CTIF: variants seen among roughly 807,000 people sequenced by gnomAD.
The protein encoded by CTIF is CBP80/20-dependent translation initiation factor.
CTIF carries 21 observed loss-of-function variants against 66.0 expected under a neutral mutation model. The observed-to-expected ratio is 0.32, with a 90% CI of 0.23 to 0.46. The LOEUF is 0.46. CTIF is among the 20% of genes least tolerant of loss of function. The pLI, the probability that CTIF is intolerant of heterozygous loss-of-function variation, is 1.00. For missense variants in CTIF, 739 were observed against 812.7 expected (o/e 0.91, Z 1.10); for synonymous variants, 345 against 326.4 (o/e 1.06, Z -0.62).
At chr18:48,699,024 A>G (rs2092046446) in intron 6 of CTIF, among the ~76,000 whole-genome samples, 2 of 152,118 alleles carry the variant, frequency 1.3e-5, no homozygotes, top group African/African-American at 4.8e-5. Context: ...CTGTCCCTCC[A>G]GCACCAAGGC....
chr18:48,697,928 C>CCCTGCAGT (rs1390275274), intron 6 of CTIF, among the ~76,000 whole-genome samples: 1 of 151,236 alleles, frequency 6.6e-6, no homozygotes, highest in East Asian at 2.0e-4. Flanking sequence ...ATCACCCCAG[C>CCCTGCAGT]CCTGCAGTCC....
At chr18:48,833,486 G>A (rs1044482101) in intron 10 of CTIF, among the ~76,000 whole-genome samples, 20 of 151,818 alleles carry the variant, frequency 1.3e-4, no homozygotes, top group African/African-American at 3.4e-4. Context: ...CCCTGCCCCC[G>A]CCGCCCTCCA....
Position 48,619,529 on chromosome 18 carries a change from T to A in CTIF, c.-28-9T>A. 1.4e-6 allele frequency: 2 copies of A among 1,424,924 alleles called. No individual in the cohort carries two copies. Among genetic ancestry groups the A allele is most frequent in the Non-Finnish European group, 1.8e-6 (2 of 1,087,250 alleles). The allele number at this position is 1,424,924 out of a possible 1,614,324, so 88.3% of individuals were successfully genotyped here. A position where few individuals can be genotyped will look rare whatever the true frequency, so the allele number is the denominator to read the frequency against. ...GTCTCACGGAGTTCTCTGTCCTCTT[T>A]CCCACCAGTCCCGGCCCAGGCCCCT... On this transcript the variant is annotated splice_polypyrimidine_tract_variant and intron_variant, in intron 1 of 11. Transcript: ENST00000256413.
intron 2 of CTIF, among the ~76,000 whole-genome samples, chr18:48,628,585 A>G (rs56982795): frequency 0.15 from 23,224 of 152,064 alleles, 1,900 homozygotes; most frequent in South Asian, 0.26. Flanking sequence ...GTCTCCACGT[A>G]CCATCCACTT....
intron 5 of CTIF, among the ~76,000 whole-genome samples, chr18:48,668,549 T>G (rs1311391037): frequency 6.6e-6 from 1 of 152,132 alleles, no homozygotes; most frequent in Admixed American, 6.5e-5. Context: ...TTCTTTTCCT[T>G]CATGCCTGTT....
intron 6 of CTIF, among the ~76,000 whole-genome samples, chr18:48,690,042 G>A (rs8091345): frequency 0.33 from 50,629 of 151,978 alleles, 10,540 homozygotes; most frequent in African/African-American, 0.59. Context: ...TCTTGAAATT[G>A]ATCATGCCCA....
chr18:48,642,093 A>G (rs2090944440), intron 3 of CTIF, among the ~76,000 whole-genome samples: 1 of 152,280 alleles, frequency 6.6e-6, no homozygotes, highest in Admixed American at 6.5e-5. Context: ...GATACGTAAG[A>G]AATACCAGGT....
intron 3 of CTIF, among the ~76,000 whole-genome samples, chr18:48,655,297 TAAAAAA>T (rs35564462): frequency 2.8e-5 from 3 of 106,246 alleles, no homozygotes; most frequent in African/African-American, 9.3e-5. Context: ...AGAGCAAGAC[TAAAAAA>T]AAAAAAAAAA....
chr18:48,759,411 G>A (rs1252701890), intron 8 of CTIF, among the ~76,000 whole-genome samples: 1 of 152,238 alleles, frequency 6.6e-6, no homozygotes, highest in Admixed American at 6.5e-5. Flanking sequence ...CACTCAGGCA[G>A]GATAAGGCAG....
chr18:48,805,209 G>A (rs1291615065), intron 9 of CTIF, among the ~76,000 whole-genome samples: 1 of 152,192 alleles, frequency 6.6e-6, no homozygotes, highest in Non-Finnish European at 1.5e-5. Context: ...CTGTTGATAG[G>A]AACAGGTGCC....
chr18:48,790,328 G>C (rs2067763971), intron 9 of CTIF, among the ~76,000 whole-genome samples: 2 of 152,240 alleles, frequency 1.3e-5, no homozygotes, highest in Admixed American at 1.3e-4. Flanking sequence ...AACAGGCAGG[G>C]AGTGTGAGCA....
chr18:48,810,144 C>T (rs1343068618), intron 9 of CTIF, among the ~76,000 whole-genome samples: 1 of 151,984 alleles, frequency 6.6e-6, no homozygotes, highest in Non-Finnish European at 1.5e-5. Flanking sequence ...AGACATTTTA[C>T]ATTCTAGTTT....
chr18:48,834,264 T>C (rs1358564651), intron 10 of CTIF, among the ~76,000 whole-genome samples: 2 of 152,350 alleles, frequency 1.3e-5, no homozygotes, highest in East Asian at 3.9e-4. Context: ...CCGTAGACGA[T>C]ATGCAAATGA....
chr18:48,857,689 C>T (rs781777333), intron 11 of CTIF, 48 bp downstream of exon 11: 2 of 1,565,504 alleles, frequency 1.3e-6, no homozygotes, highest in Non-Finnish European at 1.7e-6. Context: ...CGGTGCATCT[C>T]TCATGCCTTA....
At chr18:48,581,664 C>A (rs528944881) in intron 1 of CTIF, among the ~76,000 whole-genome samples, 1 of 152,262 alleles carries the variant, frequency 6.6e-6, no homozygotes, top group East Asian at 1.9e-4. Context: ...GCCAGTGACC[C>A]CTTCCACCTC....
intron 9 of CTIF, among the ~76,000 whole-genome samples, chr18:48,809,014 G>C (rs1358906446): frequency 1.3e-5 from 2 of 152,152 alleles, no homozygotes; most frequent in Admixed American, 1.3e-4. Flanking sequence ...TTCTCAATAA[G>C]GAATTGTGTG....
At position 48,857,973 on chromosome 18, in the gene CTIF, C is replaced by G. The variant is rs919424715; in HGVS notation, c.1581+332C>G. Reference sequence around the variant, plus strand: ...TAAGAAGTTCCTGATTACCTCTGCCCTCAAATATTTCCCTTTGCTTTGCTA... The same window carrying G: ...TAAGAAGTTCCTGATTACCTCTGCCGTCAAATATTTCCCTTTGCTTTGCTA... On this transcript the variant is annotated intron_variant, in intron 11 of 11. Coordinates refer to ENST00000256413, the MANE Select transcript of CTIF (RefSeq NM_014772.3). Among the ~76,000 whole-genome samples the G allele has an allele frequency of 2.6e-5, 4 of 152,254 alleles. No homozygotes were observed. The East Asian group carries it at 7.7e-4, about 29-fold the overall frequency.
intron 1 of CTIF, among the ~76,000 whole-genome samples, chr18:48,573,399 A>C (rs1208896197): frequency 6.6e-6 from 1 of 152,198 alleles, no homozygotes; most frequent in African/African-American, 2.4e-5. Flanking sequence ...AGGGGTCTCC[A>C]AAATGGCTTA....
intron 10 of CTIF, among the ~76,000 whole-genome samples, chr18:48,828,473 C>CA (rs899688410): frequency 4.6e-5 from 7 of 152,214 alleles, no homozygotes; most frequent in African/African-American, 9.7e-5. Flanking sequence ...TGCTGACCCC[C>CA]AGTGAAATCT....
Sources: allele counts gnomAD v4.1 joint callset (sites outside exome capture counted in the v4.1 genomes callset), GRCh38; gene constraint gnomAD v4.1.1; transcripts MANE v1.5; gene names NCBI Gene and HGNC (gene_info 2026-07-23, HGNC 2026-07-21).